Variants in SLC35F3 observed in about 807,000 individuals in gnomAD.
SLC35F3 encodes the protein solute carrier family 35 member F3, also known as putative thiamine transporter SLC35F3.
A neutral mutation model predicts 49.9 loss-of-function variants in SLC35F3; 25 were observed. That is an observed-to-expected ratio of 0.50 (90% confidence interval 0.37 to 0.70). SLC35F3 has a LOEUF of 0.70. Ranked by LOEUF, SLC35F3 falls within the 30% of genes least tolerant of loss-of-function variation. The pLI, the probability that SLC35F3 is intolerant of heterozygous loss-of-function variation, is 0.00. For missense variants in SLC35F3, 525 were observed against 639.8 expected, an observed-to-expected ratio of 0.82 and a Z score of 1.94; for synonymous variants, 275 against 265.4, an observed-to-expected ratio of 1.04 and a Z score of -0.35.
chr1:234,250,355 A>T (rs995041684), intron 3 of SLC35F3, among the ~76,000 whole-genome samples: 1 of 152,224 alleles, frequency 6.6e-6, no homozygotes, highest in African/African-American at 2.4e-5. Flanking sequence ...GTCACTTACA[A>T]AGAAAAGAAG....
intron 2 of SLC35F3, among the ~76,000 whole-genome samples, chr1:234,141,914 AC>A (rs113548590): frequency 6.6e-5 from 10 of 152,316 alleles, no homozygotes; most frequent in African/African-American, 2.4e-4. Context: ...CACTGAGAGC[AC>A]CCAAAGTGCC....
At chr1:233,928,843 G>C (rs1050255462) in intron 2 of SLC35F3, among the ~76,000 whole-genome samples, 5 of 152,116 alleles carry the variant, frequency 3.3e-5, no homozygotes, top group African/African-American at 1.2e-4. Context: ...ACTGTGTAAT[G>C]CTTCCTGGCA....
intron 2 of SLC35F3, among the ~76,000 whole-genome samples, chr1:234,090,547 T>C (rs1279080930): frequency 6.6e-6 from 1 of 152,172 alleles, no homozygotes; most frequent in Non-Finnish European, 1.5e-5. Context: ...GTCTAAAGTA[T>C]GGGGAAAGTT....
intron 2 of SLC35F3, among the ~76,000 whole-genome samples, chr1:234,005,368 C>T (rs1478503631): frequency 6.6e-6 from 1 of 152,142 alleles, no homozygotes; most frequent in Non-Finnish European, 1.5e-5. Context: ...GTACATATGA[C>T]GTTGAGTCAC....
chr1:234,167,522 C>T (rs1216881817), intron 2 of SLC35F3, among the ~76,000 whole-genome samples: 1 of 152,172 alleles, frequency 6.6e-6, no homozygotes, highest in Non-Finnish European at 1.5e-5. Flanking sequence ...TTTGATTTAA[C>T]CTGGCTGGCA....
At chr1:233,982,883 G>A (rs1047633877) in intron 2 of SLC35F3, among the ~76,000 whole-genome samples, 1 of 152,178 alleles carries the variant, frequency 6.6e-6, no homozygotes, top group South Asian at 2.1e-4. Flanking sequence ...GGAGAACTGT[G>A]GGTGCTATGA....
At chr1:234,075,939 T>C (rs1328861700) in intron 2 of SLC35F3, among the ~76,000 whole-genome samples, 1 of 152,236 alleles carries the variant, frequency 6.6e-6, no homozygotes, top group Non-Finnish European at 1.5e-5. Context: ...TTTTTTGCTC[T>C]AGACTGCTTT....
intron 2 of SLC35F3, among the ~76,000 whole-genome samples, chr1:234,073,845 CT>C (rs1189470478): frequency 2.0e-5 from 3 of 152,004 alleles, no homozygotes; most frequent in Admixed American, 2.0e-4. Context: ...GCTTCAGTTT[CT>C]TTTTTTATTA....
chr1:233,995,992 A>T (rs532863335), intron 2 of SLC35F3, among the ~76,000 whole-genome samples: 1 of 152,324 alleles, frequency 6.6e-6, no homozygotes, highest in African/African-American at 2.4e-5. Context: ...TGGCAGACTT[A>T]TCAATTGAAC....
chr1:233,949,439 A>G (rs1662568038), intron 2 of SLC35F3, among the ~76,000 whole-genome samples: 1 of 152,200 alleles, frequency 6.6e-6, no homozygotes, highest in Admixed American at 6.5e-5. Flanking sequence ...AAGACCAGTG[A>G]AAAACAGTAT....
intron 2 of SLC35F3, among the ~76,000 whole-genome samples, chr1:233,972,561 GT>G (rs1663012941): frequency 6.6e-6 from 1 of 152,142 alleles, no homozygotes; most frequent in African/African-American, 2.4e-5. Context: ...TCACATGGCT[GT>G]TTTGAGGAGC....
intron 2 of SLC35F3, among the ~76,000 whole-genome samples, chr1:234,170,591 A>G (rs979631690): frequency 6.6e-6 from 1 of 152,116 alleles, no homozygotes; most frequent in Non-Finnish European, 1.5e-5. Context: ...TCCCTGAGGT[A>G]TCCTACCCCT....
rs770409877 is a variant in SLC35F3, at chr1:234,231,747, C to T, written c.608+6C>T. On this transcript the variant is annotated splice_donor_region_variant and intron_variant, in intron 3 of 7. Coordinates refer to ENST00000366618, the MANE Select transcript of SLC35F3 (RefSeq NM_173508.4). The surrounding 1 kb of genome is among the most constrained non-coding windows in gnomAD (Gnocchi z 5.4). ...TCTGTGAAGCAGCGATACAGGTAGG[C>T]GCGTCCTGCATGAGGAGGCCTCCTG... 2 of 1,590,428 alleles carry T rather than the reference C, an allele frequency of 1.3e-6. No individual in the cohort carries two copies. The highest frequency in any genetic ancestry group is 1.3e-5 in the African/African-American group (1 of 74,742).
At chr1:234,103,143 G>A (rs1227353509) in intron 2 of SLC35F3, among the ~76,000 whole-genome samples, 2 of 152,196 alleles carry the variant, frequency 1.3e-5, no homozygotes, top group East Asian at 3.8e-4. Context: ...TTGGAACCCA[G>A]CCTTCTGATC....
intron 2 of SLC35F3, among the ~76,000 whole-genome samples, chr1:234,120,481 C>CT (rs2102892839): frequency 6.6e-6 from 1 of 152,148 alleles, no homozygotes; most frequent in South Asian, 2.1e-4. Context: ...CTCTGAGCCT[C>CT]TAATGCACAT....
chr1:234,050,698 A>G (rs1664363834), intron 2 of SLC35F3, among the ~76,000 whole-genome samples: 1 of 152,202 alleles, frequency 6.6e-6, no homozygotes, highest in Non-Finnish European at 1.5e-5. Context: ...TGTTTTAGTC[A>G]TGAAATCCTT....
intron 2 of SLC35F3, among the ~76,000 whole-genome samples, chr1:233,917,372 A>G (rs1055688639): frequency 6.6e-6 from 1 of 152,216 alleles, no homozygotes; most frequent in Admixed American, 6.5e-5. Flanking sequence ...CTTCCTTTGG[A>G]AACTTGAGCT....
intron 2 of SLC35F3, among the ~76,000 whole-genome samples, chr1:234,222,899 T>C (rs1392715844): frequency 6.6e-6 from 1 of 152,164 alleles, no homozygotes; most frequent in Non-Finnish European, 1.5e-5. Context: ...AACTGGTGTA[T>C]ATGGAGGCAT....
intron 2 of SLC35F3, among the ~76,000 whole-genome samples, chr1:234,186,659 G>A (rs2102926401): frequency 6.6e-6 from 1 of 152,282 alleles, no homozygotes; most frequent in Non-Finnish European, 1.5e-5. Context: ...GACACAACTT[G>A]GGTCTGATCA....
Sources: allele counts gnomAD v4.1 joint callset (sites outside exome capture counted in the v4.1 genomes callset), GRCh38; gene constraint gnomAD v4.1.1; non-coding constraint Gnocchi (gnomAD v3.1); transcripts MANE v1.5; gene names NCBI Gene and HGNC (gene_info 2026-07-23, HGNC 2026-07-21).